The following DRAM1 variants were observed in gnomAD, a reference collection of about 807,000 sequenced individuals.
The protein encoded by DRAM1 is DNA damage-regulated autophagy modulator protein 1.
DRAM1 carries 25 observed loss-of-function variants against 28.5 expected under a neutral mutation model. The ratio of observed to expected loss-of-function variants is 0.88; its 90% CI spans 0.64 to 1.23. DRAM1 has a LOEUF of 1.23. Among genes scored for constraint, DRAM1 ranks in the 50% most tolerant of loss-of-function variants. The probability of loss-of-function intolerance (pLI) is 0.00; values close to 1 mark genes in which losing one functional copy is unlikely to be tolerated. For synonymous variants in DRAM1, 113 were observed against 114.2 expected, an observed-to-expected ratio of 0.99 and a Z score of 0.07; for missense variants, 249 against 299.2, an observed-to-expected ratio of 0.83 and a Z score of 1.24.
intron 1 of DRAM1, among the ~76,000 whole-genome samples, chr12:101,888,406 C>T (rs1443836577): frequency 6.6e-6 from 1 of 152,162 alleles, no homozygotes; most frequent in Non-Finnish European, 1.5e-5. Context: ...GCTAGGATTA[C>T]AGGCATGAGC....
intron 5 of DRAM1, among the ~76,000 whole-genome samples, chr12:101,918,276 G>T (rs953703960): frequency 6.6e-6 from 1 of 152,192 alleles, no homozygotes; most frequent in East Asian, 1.9e-4. Flanking sequence ...GGATATTAGG[G>T]CTTTGCCTGC....
At chr12:101,897,029 C>T (rs1212183561) in intron 1 of DRAM1, among the ~76,000 whole-genome samples, 3 of 151,934 alleles carry the variant, frequency 2.0e-5, no homozygotes, top group Middle Eastern at 3.2e-3. Flanking sequence ...TCAGGTGATC[C>T]GCCCGCCTCA....
intron 1 of DRAM1, among the ~76,000 whole-genome samples, chr12:101,893,059 A>T (rs965088957): frequency 6.6e-6 from 1 of 152,234 alleles, no homozygotes; most frequent in Non-Finnish European, 1.5e-5. Context: ...AGTCATCCTG[A>T]AAAATAATCA....
intron 1 of DRAM1, among the ~76,000 whole-genome samples, chr12:101,883,400 C>T (rs1304551318): frequency 2.0e-5 from 3 of 150,592 alleles, no homozygotes; most frequent in Admixed American, 6.6e-5. Flanking sequence ...CCACAACCTC[C>T]GCCTCCCGGG....
At chr12:101,919,339 A>C (rs1210542358) in intron 5 of DRAM1, among the ~76,000 whole-genome samples, 1 of 151,918 alleles carries the variant, frequency 6.6e-6, no homozygotes, top group African/African-American at 2.4e-5. Flanking sequence ...TGAAAGCAAC[A>C]CTAGTGTATT....
chr12:101,884,939 T>G lies in DRAM1; in HGVS notation c.131+7019T>G, dbSNP rs568482930. On this transcript the variant is annotated intron_variant, in intron 1 of 6. Transcript: ENST00000258534. The stretch of plus-strand genomic sequence containing the variant: ...TGATCTTTATAGAGAAAATGTTTTT[T>G]TTTTTTTTTTTGAGATGGAGTTTCA... Among the ~76,000 whole-genome samples the G allele has an allele frequency of 2.0e-4, 31 of 152,042 alleles. 1 individual carries two copies. In the East Asian group the frequency reaches 4.0e-3, roughly 20 times the overall value.
rs373401800 is a variant in DRAM1, at chr12:101,918,087, C to G, written c.580-2022C>G. Among the ~76,000 whole-genome samples, 6 of 151,840 alleles carry G rather than the reference C, an allele frequency of 4.0e-5. No homozygotes were observed. In the South Asian group the frequency reaches 6.2e-4, roughly 16 times the overall value. On this transcript the variant is annotated intron_variant, in intron 5 of 6. Transcript: ENST00000258534. ...CGCCACTCTTGCATTTCCTTCTGTT[C>G]CTAATATCAAAGGATGTAAAAAAAT...
In DRAM1 at chr12:101,914,165, T is replaced by C; in HGVS notation, c.521-9T>C. 6.2e-7 allele frequency: 1 copy of C among 1,600,570 alleles called. No individual in the cohort carries two copies. The highest frequency in any genetic ancestry group is 8.5e-7 in the Non-Finnish European group (1 of 1,173,790). Reference sequence around the variant, plus strand: ...TGCTGTAGTTTCCTTAACTGTTTACTTCTTTCAGTGATTGTCTGTGCTTCA... The same window carrying C: ...TGCTGTAGTTTCCTTAACTGTTTACCTCTTTCAGTGATTGTCTGTGCTTCA... On this transcript the variant is annotated splice_polypyrimidine_tract_variant and intron_variant, in intron 4 of 6. Transcript: ENST00000258534.
At chr12:101,913,819 T>C (rs1222553447) in intron 4 of DRAM1, among the ~76,000 whole-genome samples, 1 of 152,120 alleles carries the variant, frequency 6.6e-6, no homozygotes, top group Non-Finnish European at 1.5e-5. Context: ...GTCAGTCATT[T>C]TGACCGAATT....
chr12:101,911,363 T>C (rs982433714), intron 4 of DRAM1, among the ~76,000 whole-genome samples: 3 of 152,212 alleles, frequency 2.0e-5, no homozygotes, highest in African/African-American at 4.8e-5. Context: ...GAATCCTGCT[T>C]CTAAACCTTT....
intron 5 of DRAM1, among the ~76,000 whole-genome samples, chr12:101,919,659 A>G (rs968364745): frequency 1.3e-5 from 2 of 152,230 alleles, no homozygotes; most frequent in African/African-American, 4.8e-5. Context: ...CTAGGGGACT[A>G]GTTGGCCAAG....
chr12:101,901,388 T>G lies in DRAM1; in HGVS notation c.297T>G (p.Leu99=). The change falls in exon 3 of 7, where the codon CTT becomes CTG. Residue 99 remains leucine, a synonymous_variant. Coordinates refer to ENST00000258534, the MANE Select transcript of DRAM1 (RefSeq NM_018370.3). ...TPVFNLVSLV[L]GLVGCFGMGI... ...TTTTTAACTTGGTGTCTTTAGTGCT[T>G]GGATTGGTGGGATGTTTCGGAATGG... is the stretch of plus-strand genomic sequence containing the variant. 1 of 1,614,114 alleles carries G rather than the reference T, an allele frequency of 6.2e-7. No homozygotes were observed.
intron 3 of DRAM1, 81 bp downstream of exon 3, chr12:101,901,514 A>C (rs892372829): frequency 2.7e-6 from 4 of 1,494,040 alleles, no homozygotes; most frequent in Non-Finnish European, 3.6e-6. Context: ...CAAGAGGCAC[A>C]CTTATGCCAT....
intron 5 of DRAM1, among the ~76,000 whole-genome samples, chr12:101,919,305 C>CACACACACAT (rs1295627746): frequency 6.6e-6 from 1 of 151,022 alleles, no homozygotes; most frequent in Non-Finnish European, 1.5e-5. Context: ...CACACACACA[C>CACACACACAT]GGTTTTGTTT....
chr12:101,892,721 T>A (rs545164442), intron 1 of DRAM1, among the ~76,000 whole-genome samples: 169 of 152,362 alleles, frequency 1.1e-3, no homozygotes, highest in South Asian at 8.9e-3. Context: ...GGAATTTTTT[T>A]AAAATTATTT....
intron 1 of DRAM1, among the ~76,000 whole-genome samples, chr12:101,894,148 C>T (rs1873253535): frequency 6.6e-6 from 1 of 152,048 alleles, no homozygotes; most frequent in African/African-American, 2.4e-5. Context: ...GACAGAGTCT[C>T]ATGCTATTGC....
At chr12:101,920,470 T>C (rs888781398) in intron 6 of DRAM1, among the ~76,000 whole-genome samples, 2 of 152,198 alleles carry the variant, frequency 1.3e-5, no homozygotes, top group Non-Finnish European at 1.5e-5. Context: ...TTATTCCCAA[T>C]GGGAGGCATC....
At position 101,923,411 on chromosome 12, in the gene DRAM1, G is replaced by A. The variant is rs577279046; in HGVS notation, c.*2151G>A. The A allele has an allele frequency of 2.0e-5, 3 of 152,180 alleles. No individual in the cohort carries two copies. The highest frequency in any genetic ancestry group is 4.8e-5 in the African/African-American group (2 of 41,442). The allele number at this position is 152,180 out of a possible 1,614,324, so 9.4% of individuals were successfully genotyped here. ...TGGGAGCTCCTTGAGGGCAGAGTAC[G>A]TGCCTTAATCTTTATCTTTGTAATG... On this transcript the variant is annotated 3_prime_UTR_variant, in exon 7 of 7. Coordinates refer to ENST00000258534, the MANE Select transcript of DRAM1 (RefSeq NM_018370.3).
At position 101,922,611 on chromosome 12, in the gene DRAM1, C is replaced by A. The variant is rs1424387332; in HGVS notation, c.*1351C>A. ...TCTGCAATGACAAGCTGCCTCCCCT[C>A]TATGTGTTTAGCATATGTTATTAGA... On this transcript the variant is annotated 3_prime_UTR_variant, in exon 7 of 7. Coordinates refer to ENST00000258534, the MANE Select transcript of DRAM1 (RefSeq NM_018370.3). The A allele has an allele frequency of 6.6e-6, 1 of 152,212 alleles. No homozygotes were observed. Among genetic ancestry groups the A allele is most frequent in the African/African-American group, 2.4e-5 (1 of 41,458 alleles). 9.4% of individuals were successfully genotyped at this position (152,212 alleles called of 1,614,324 possible). A position where few individuals can be genotyped will look rare whatever the true frequency, so the allele number is the denominator to read the frequency against.
Sources: gnomAD v4.1 joint callset for allele counts (sites outside exome capture counted in the v4.1 genomes callset) on GRCh38, gnomAD v4.1.1 for gene constraint, MANE v1.5 for transcripts, NCBI Gene and HGNC (gene_info 2026-07-23, HGNC 2026-07-21) for gene names.